The following ANKRD2 variants were observed in gnomAD, a reference collection of about 807,000 sequenced individuals.
The protein encoded by ANKRD2 is ankyrin repeat domain-containing protein 2.
In ANKRD2, 35 loss-of-function variants were observed where a neutral mutation model predicts 37.3. That is an observed-to-expected ratio of 0.94 (90% confidence interval 0.72 to 1.24). ANKRD2 has a LOEUF of 1.24. ANKRD2 is among the 50% of genes most tolerant of loss of function. The pLI, the probability that ANKRD2 is intolerant of heterozygous loss-of-function variation, is 0.00. For missense variants in ANKRD2, 410 were observed against 445.6 expected (o/e 0.92, Z 0.72); for synonymous variants, 159 against 186.5 (o/e 0.85, Z 1.20).
rs150127698 is a variant in ANKRD2, at chr10:97,577,869, G to T, written c.157G>T (p.Gly53Trp). The change falls in exon 2 of 9, where the codon GGG becomes TGG. Residue 53 changes from glycine (G) to tryptophan (W), a missense_variant. Gly to Trp is a radical substitution (Grantham distance 184). Coordinates refer to ENST00000370655, the MANE Select transcript of ANKRD2 (RefSeq NM_001346793.2). ...LLVLEDEKHH[G>W]AQSAALQKVK... ...GGTGCTGGAGGATGAGAAGCACCACGGGGCTCAGAGTGCAGCCCTGCAGAA... is the reference window on the plus strand; with the variant it reads ...GGTGCTGGAGGATGAGAAGCACCACTGGGCTCAGAGTGCAGCCCTGCAGAA... 855 of 1,570,918 alleles carry T rather than the reference G, an allele frequency of 5.4e-4. 16 individuals are homozygous for T. The South Asian group carries it at 9.0e-3, about 16-fold the overall frequency.
At chr10:97,578,027 T>G (rs984408179) in intron 2 of ANKRD2, 126 bp downstream of exon 2, 1 of 1,106,260 alleles carries the variant, frequency 9.0e-7, no homozygotes, top group African/African-American at 1.6e-5. Flanking sequence ...TTGCTAGCCC[T>G]GCAGAATCTC....
At position 97,577,702 on chromosome 10, in the gene ANKRD2, C is replaced by T. The variant is rs73332750; in HGVS notation, c.88-98C>T. On this transcript the variant is annotated intron_variant, in intron 1 of 8. Coordinates refer to ENST00000370655, the MANE Select transcript of ANKRD2 (RefSeq NM_001346793.2). ...ATCAGCCAGAAGGGCTCTGAGACCA[C>T]CCAGGAGGATGTCTCTGTGGGGTGT... is the stretch of plus-strand genomic sequence containing the variant. 17,023 of 1,021,526 alleles carry T rather than the reference C, an allele frequency of 0.017. 1,201 individuals are homozygous for T. The African/African-American group carries it at 0.19, about 11-fold the overall frequency. The allele number at this position is 1,021,526 out of a possible 1,614,324, so 63.3% of individuals were successfully genotyped here.
chr10:97,578,465 G>A, intron 3 of ANKRD2, 33 bp from the exon 4 acceptor site: 3 of 1,597,954 alleles, frequency 1.9e-6, no homozygotes, highest in Non-Finnish European at 2.6e-6. Flanking sequence ...GGATTGCTGG[G>A]ACGGCCCGTG....
Position 97,578,252 on chromosome 10 carries a change from G to C in ANKRD2, c.202G>C (p.Val68Leu), listed in dbSNP as rs774638046. The change falls in exon 3 of 9, where the codon GTG becomes CTG. Residue 68 changes from valine (V) to leucine (L), a missense_variant. Val to Leu is a conservative substitution (Grantham distance 32). Coordinates refer to ENST00000370655, the MANE Select transcript of ANKRD2 (RefSeq NM_001346793.2). ...CCATCCCGCGCAGGGCCAAGAGCGC[G>C]TGCGCAAGACGTCCCTGGACCTGCG... ...ALQKVKGQER[V>L]RKTSLDLRRE... 6.2e-7 allele frequency: 1 copy of C among 1,607,848 alleles called. No individual in the cohort carries two copies. The highest frequency in any genetic ancestry group is 1.3e-5 in the African/African-American group (1 of 74,734).
rs2040853343 is a variant in ANKRD2, at chr10:97,578,327, A to G, written c.277A>G (p.Lys93Glu). 1 of 1,613,370 alleles carries G rather than the reference A, an allele frequency of 6.2e-7. No individual in the cohort carries two copies. Among genetic ancestry groups the G allele is most frequent in the Non-Finnish European group, 8.5e-7 (1 of 1,179,926 alleles). ...GATCCAGAACCTCATCGAGCTGCGG[A>G]AGAAACGCAAGCAGAAGAAGCGGGA... is the stretch of plus-strand genomic sequence containing the variant. ...GGIQNLIELR[K>E]KRKQKKRDAL... The change falls in exon 3 of 9, where the codon AAG becomes GAG. Residue 93 changes from lysine to glutamate, a missense_variant. Coordinates refer to ENST00000370655, the MANE Select transcript of ANKRD2 (RefSeq NM_001346793.2).
rs946776653 is a variant in ANKRD2 at position 97,581,555 on chromosome 10, A to C, written c.654+141A>C. The stretch of plus-strand genomic sequence containing the variant: ...GGCTGCAGAGCAGGGAAGCTAAAAC[A>C]GTGTCCTACTGGGCCTCCCAGCCCA... On this transcript the variant is annotated intron_variant, in intron 6 of 8. Coordinates refer to ENST00000370655, the MANE Select transcript of ANKRD2 (RefSeq NM_001346793.2). The C allele has an allele frequency of 6.0e-6, 5 of 829,604 alleles. No homozygotes were observed. In the Admixed American group the frequency reaches 1.0e-4, roughly 17 times the overall value. The allele number at this position is 829,604 out of a possible 1,614,324, so 51.4% of individuals were successfully genotyped here.
At chr10:97,578,876 C>T (rs1477481141) in intron 4 of ANKRD2, among the ~76,000 whole-genome samples, 1 of 152,236 alleles carries the variant, frequency 6.6e-6, no homozygotes, top group Non-Finnish European at 1.5e-5. Context: ...CAAATAAAAA[C>T]AGACCAGGAC....
chr10:97,575,602 T>C (rs1484452801), intron 1 of ANKRD2, among the ~76,000 whole-genome samples: 1 of 152,126 alleles, frequency 6.6e-6, no homozygotes, highest in Non-Finnish European at 1.5e-5. Context: ...ACCTCTCATC[T>C]ATGTGACAAC....
intron 1 of ANKRD2, among the ~76,000 whole-genome samples, chr10:97,577,082 C>T (rs542345662): frequency 1.3e-5 from 2 of 152,120 alleles, no homozygotes; most frequent in East Asian, 3.9e-4. Context: ...TGGCTCACTG[C>T]AACCTCCCCT....
In ANKRD2 at chr10:97,583,855, C is replaced by A; in HGVS notation, c.*130C>A. 1 of 1,056,510 alleles carries A rather than the reference C, an allele frequency of 9.5e-7. No homozygotes were observed. Among genetic ancestry groups the A allele is most frequent in the Non-Finnish European group, 1.3e-6 (1 of 799,036 alleles). The allele number at this position is 1,056,510 out of a possible 1,614,324, so 65.4% of individuals were successfully genotyped here. On this transcript the variant is annotated 3_prime_UTR_variant, in exon 9 of 9. Coordinates refer to ENST00000370655, the MANE Select transcript of ANKRD2 (RefSeq NM_001346793.2). Reference sequence around the variant, plus strand: ...ATGATCCAGGAGCACATACCACAAACTACCACAATAAAAAAGCTGTTTTTG... The same window carrying A: ...ATGATCCAGGAGCACATACCACAAAATACCACAATAAAAAAGCTGTTTTTG...
Position 97,582,635 on chromosome 10 carries a change from G to A in ANKRD2, c.785G>A (p.Arg262Lys). ...GATACTGCCCTGCATGACGCTGTGAGGCTCAACCGCTACAAAATCATCAAA... is the reference window on the plus strand; with the variant it reads ...GATACTGCCCTGCATGACGCTGTGAAGCTCAACCGCTACAAAATCATCAAA... ...EGDTALHDAV[R>K]LNRYKIIKLL... The change falls in exon 8 of 9, where the codon AGG (arginine) becomes AAG (lysine). Residue 262 changes from arginine to lysine, a missense_variant. Physicochemically the swap from Arg to Lys is conservative, Grantham distance 26. Coordinates refer to ENST00000370655, the MANE Select transcript of ANKRD2 (RefSeq NM_001346793.2). 6.2e-7 allele frequency: 1 copy of A among 1,614,168 alleles called. No individual in the cohort carries two copies. Among genetic ancestry groups the A allele is most frequent in the Admixed American group, 1.7e-5 (1 of 60,032 alleles).
At chr10:97,581,531 G>C in intron 6 of ANKRD2, 117 bp downstream of exon 6, 1 of 1,043,090 alleles carries the variant, frequency 9.6e-7, no homozygotes, top group Non-Finnish European at 1.4e-6. Context: ...CTGGTTTCTG[G>C]CTGCAGAGCA....
At chr10:97,576,853 C>T (rs4244326) in intron 1 of ANKRD2, among the ~76,000 whole-genome samples, 82,446 of 151,502 alleles carry the variant, frequency 0.54, 24,708 homozygotes, top group Non-Finnish European at 0.69. Context: ...CGTGCCAACA[C>T]GCCTGGCTAA....
chr10:97,582,462 C>T (rs764090299), intron 7 of ANKRD2, 49 bp downstream of exon 7: 27 of 1,590,380 alleles, frequency 1.7e-5, no homozygotes, highest in Non-Finnish European at 2.2e-5. Context: ...GTGTGGGCAG[C>T]CTGCGGGCCC....
chr10:97,576,080 A>G (rs1376640212), intron 1 of ANKRD2, among the ~76,000 whole-genome samples: 1 of 152,188 alleles, frequency 6.6e-6, no homozygotes, highest in Non-Finnish European at 1.5e-5. Flanking sequence ...GAAGCCCAAC[A>G]TGAAAGAGAG....
chr10:97,582,062 G>C (rs1319537006), intron 6 of ANKRD2, among the ~76,000 whole-genome samples: 1 of 152,194 alleles, frequency 6.6e-6, no homozygotes, highest in African/African-American at 2.4e-5. Flanking sequence ...TTAAAAGAAG[G>C]GTAGAAGAGT....
chr10:97,572,719 G>A (rs757534824), upstream of ANKRD2: 94 of 1,604,368 alleles, frequency 5.9e-5, no homozygotes, highest in African/African-American at 2.5e-4. Flanking sequence ...TGGCAAAGGC[G>A]CCCAGCTGGG....
chr10:97,573,398 A>G (rs2040784367), intron 1 of ANKRD2, among the ~76,000 whole-genome samples: 3 of 151,432 alleles, frequency 2.0e-5, no homozygotes, highest in Non-Finnish European at 1.5e-5. Flanking sequence ...AAGGAAGTGG[A>G]GCGGTGGCAG....
rs199730471 is a variant in ANKRD2 at position 97,572,818 on chromosome 10, G to A, written c.30G>A (p.Ala10=). Residue 10 remains alanine, a synonymous_variant, in exon 1 of 9, where the codon GCG becomes GCA. Coordinates refer to ENST00000370655, the MANE Select transcript of ANKRD2 (RefSeq NM_001346793.2). ...ACGGCACCATGGAGGACTCCGAGGC[G>A]GTGCAGAGGGCCACAGCGCTCATCG... The part of the protein sequence containing the change: MDGTMEDSE[A]VQRATALIEQ... 3.0e-4 allele frequency: 468 copies of A among 1,569,738 alleles called. No individual in the cohort carries two copies. Among genetic ancestry groups the A allele is most frequent in the Admixed American group, 5.5e-4 (29 of 52,922 alleles).
Sources: gnomAD v4.1 joint callset for allele counts (sites outside exome capture counted in the v4.1 genomes callset) on GRCh38, gnomAD v4.1.1 for gene constraint, MANE v1.5 for transcripts, NCBI Gene and HGNC (gene_info 2026-07-23, HGNC 2026-07-21) for gene names.